MAST3: variants seen among roughly 807,000 people sequenced by gnomAD.
MAST3 encodes the protein microtubule-associated serine/threonine-protein kinase 3.
Under a neutral mutation model 127.0 loss-of-function variants are expected in MAST3, and 43 were observed. The ratio of observed to expected loss-of-function variants is 0.34; its 90% CI spans 0.27 to 0.44. MAST3 has a LOEUF of 0.44. MAST3 is among the 20% of genes least tolerant of loss of function. The pLI, the probability that MAST3 is intolerant of heterozygous loss-of-function variation, is 1.00. For missense variants in MAST3, 1,390 were observed against 1,919.1 expected (o/e 0.72, Z 5.15); for synonymous variants, 785 against 809.2 (o/e 0.97, Z 0.51).
intron 1 of MAST3, chr19:18,098,895 G>A (rs2037279768): frequency 7.0e-6 from 3 of 428,832 alleles, no homozygotes; most frequent in Admixed American, 5.2e-5. Context: ...ACCCCACGGA[G>A]TGATCAGTTG....
intron 27 of MAST3, among the ~76,000 whole-genome samples, chr19:18,148,545 T>C (rs1003840585): frequency 4.6e-5 from 7 of 151,372 alleles, no homozygotes; most frequent in African/African-American, 1.7e-4. Context: ...AGCTGGGGCT[T>C]TGATGGGTGA....
At position 18,144,520 on chromosome 19, in the gene MAST3, G is replaced by C; in HGVS notation, c.2639G>C (p.Arg880Pro). 6.2e-7 allele frequency: 1 copy of C among 1,609,252 alleles called. No individual in the cohort carries two copies. The change falls in exon 23 of 28, where the codon CGA (arginine) becomes CCA (proline). Residue 880 changes from arginine to proline, a missense_variant. Around this residue, in one of 5 missense-constraint regions of MAST3, gnomAD observed 816 missense variants for 934.1 expected, o/e 0.87. Coordinates refer to ENST00000687212, the MANE Select transcript of MAST3 (RefSeq NM_001393504.1). This position sits in a 1 kb window ranked among gnomAD's most constrained non-coding sequence, Gnocchi z 4.0. ...ARLRSNSIGA[R>P]HSTPRPLDAG... ...CTACGGAGCAATAGCATCGGCGCCC[G>C]ACACTCCACACCAAGGCCTCTGGAT...
rs1032549257 is a variant in MAST3, at chr19:18,149,427, G to A, written c.3745G>A (p.Ala1249Thr). ...SPSPLPGHPP[A>T]PARSPRLRRG... ...CTCGCCCCTGCCCGGGCACCCGCCC[G>A]CACCTGCCCGATCCCCGCGGCTGCG... Residue 1249 changes from alanine to threonine, a missense_variant, in exon 28 of 28, where the codon GCA (alanine) becomes ACA (threonine). This residue lies in a region of MAST3 where 816 missense variants were observed against 934.1 expected (regional missense o/e 0.87). Coordinates refer to ENST00000687212, the MANE Select transcript of MAST3 (RefSeq NM_001393504.1). This position sits in a 1 kb window ranked among gnomAD's most constrained non-coding sequence, Gnocchi z 5.9. 18 of 1,495,064 alleles carry A rather than the reference G, an allele frequency of 1.2e-5. No homozygotes were observed. Among genetic ancestry groups the A allele is most frequent in the African/African-American group, 1.2e-4 (8 of 69,222 alleles). 92.6% of individuals were successfully genotyped at this position (1,495,064 alleles called of 1,614,324 possible). A position where few individuals can be genotyped will look rare whatever the true frequency, so the allele number is the denominator to read the frequency against.
chr19:18,140,994 A>G (rs533308510), intron 20 of MAST3, among the ~76,000 whole-genome samples: 20 of 151,816 alleles, frequency 1.3e-4, no homozygotes, highest in African/African-American at 4.8e-4. Flanking sequence ...AGGTTTCACC[A>G]TGTTGCCCAG....
At position 18,146,970 on chromosome 19, in the gene MAST3, C is replaced by A. The variant is rs372000208; in HGVS notation, c.3252C>A (p.Arg1084=). The change falls in exon 26 of 28, where the codon CGC becomes CGA. Residue 1084 remains arginine, a synonymous_variant. Transcript: ENST00000687212. ...GPARKNVAKG[R]MARRSKRSRR... ...CCCGGAAGAATGTGGCCAAGGGCCGCATGGCACGCAGGAGCAAGAGGAGCC... is the reference window on the plus strand; with the variant it reads ...CCCGGAAGAATGTGGCCAAGGGCCGAATGGCACGCAGGAGCAAGAGGAGCC... The A allele has an allele frequency of 7.0e-6, 11 of 1,565,032 alleles. No homozygotes were observed. The highest frequency in any genetic ancestry group is 8.7e-6 in the Non-Finnish European group (10 of 1,154,988).
intron 14 of MAST3, 132 bp downstream of exon 14, chr19:18,130,834 A>G: frequency 1.1e-6 from 1 of 907,596 alleles, no homozygotes; most frequent in Non-Finnish European, 1.7e-6. Context: ...GGGAACCCTC[A>G]GGAACCCCAG....
intron 21 of MAST3, 83 bp downstream of exon 21, chr19:18,142,098 C>T (rs1488941693): frequency 1.6e-5 from 21 of 1,303,200 alleles, no homozygotes; most frequent in Non-Finnish European, 2.0e-6. Flanking sequence ...GCAAAGGGAG[C>T]TTCCTAGTGG....
intron 2 of MAST3, chr19:18,109,903 G>A: frequency 1.0e-6 from 1 of 977,272 alleles, no homozygotes; most frequent in South Asian, 4.7e-5. Flanking sequence ...GCCGGGGCGA[G>A]GGCAGAGGCC....
Position 18,149,079 on chromosome 19 carries a change from G to A in MAST3, c.3509-112G>A. On this transcript the variant is annotated intron_variant, in intron 27 of 27. Coordinates refer to ENST00000687212, the MANE Select transcript of MAST3 (RefSeq NM_001393504.1). This position sits in a 1 kb window ranked among gnomAD's most constrained non-coding sequence, Gnocchi z 5.9. ...AAAACAAAAACAACCAGGCATGATG[G>A]GTGGCCACATGGAAGGATGTGGGCT... 2 of 1,165,382 alleles carry A rather than the reference G, an allele frequency of 1.7e-6. No individual in the cohort carries two copies. Among genetic ancestry groups the A allele is most frequent in the Admixed American group, 3.9e-5 (1 of 25,528 alleles). The allele number at this position is 1,165,382 out of a possible 1,614,324, so 72.2% of individuals were successfully genotyped here.
At chr19:18,105,588 G>A (rs916293301) in intron 1 of MAST3, among the ~76,000 whole-genome samples, 9 of 150,116 alleles carry the variant, frequency 6.0e-5, no homozygotes, top group African/African-American at 2.2e-4. Flanking sequence ...CAGGAGAATC[G>A]CTTGAACCTG....
chr19:18,108,095 A>C (rs12052062), intron 2 of MAST3, among the ~76,000 whole-genome samples: 16,856 of 152,118 alleles, frequency 0.11, 1,211 homozygotes, highest in East Asian at 0.16. Context: ...GTTCAAGATC[A>C]GCCTGGCCAA....
At chr19:18,120,579 C>G (rs2039850920) in intron 3 of MAST3, among the ~76,000 whole-genome samples, 1 of 152,222 alleles carries the variant, frequency 6.6e-6, no homozygotes, top group Non-Finnish European at 1.5e-5. Flanking sequence ...TCGTGTCGCC[C>G]AGGCTGGAAT....
intron 3 of MAST3, chr19:18,118,275 G>C (rs2039536091): frequency 1.0e-6 from 1 of 984,850 alleles, no homozygotes. Context: ...CGGCGCCGGC[G>C]AAGGCTCGGC....
chr19:18,119,560 C>A (rs1433811823), intron 3 of MAST3, among the ~76,000 whole-genome samples: 1 of 152,204 alleles, frequency 6.6e-6, no homozygotes, highest in South Asian at 2.1e-4. Flanking sequence ...TTGGAATTGG[C>A]AGATGTTGGG....
rs777754422 is a variant in MAST3 at position 18,123,382 on chromosome 19, G to T, written c.557+8G>T. On this transcript the variant is annotated splice_region_variant and intron_variant, in intron 7 of 27. Transcript: ENST00000687212. The stretch of plus-strand genomic sequence containing the variant: ...CCGCTCTCGCAGTCTCAGGTGGGCC[G>T]CGACCTCTGGCCCCAGCCCCGGCCC... 83 of 1,606,208 alleles carry T rather than the reference G, an allele frequency of 5.2e-5. No individual in the cohort carries two copies. Among genetic ancestry groups the T allele is most frequent in the Non-Finnish European group, 6.6e-5 (78 of 1,177,086 alleles).
At chr19:18,109,445 C>G (rs1043187469) in intron 2 of MAST3, among the ~76,000 whole-genome samples, 1 of 152,096 alleles carries the variant, frequency 6.6e-6, no homozygotes, top group South Asian at 2.1e-4. Flanking sequence ...TGAGGACTGC[C>G]GAGGGCAAAG....
In MAST3 at chr19:18,147,479, C is replaced by G; in HGVS notation, c.3363C>G (p.Thr1121=). Reference sequence around the variant, plus strand: ...TTTTCAAGAAGATCTCCAAGCAGACCTCCGTGCTGCACACCAGCCGCAGCT... The same window carrying G: ...TTTTCAAGAAGATCTCCAAGCAGACGTCCGTGCTGCACACCAGCCGCAGCT... ...KSLFKKISKQ[T]SVLHTSRSFS... Residue 1121 remains threonine, a synonymous_variant, in exon 27 of 28, where the codon ACC becomes ACG. Coordinates refer to ENST00000687212, the MANE Select transcript of MAST3 (RefSeq NM_001393504.1). 6.2e-7 allele frequency: 1 copy of G among 1,613,378 alleles called. No individual in the cohort carries two copies. The highest frequency in any genetic ancestry group is 8.5e-7 in the Non-Finnish European group (1 of 1,179,686).
At chr19:18,129,285 G>A in intron 13 of MAST3, 1 of 285,008 alleles carries the variant, frequency 3.5e-6, no homozygotes, top group South Asian at 4.7e-5. Flanking sequence ...TGGCAGGCTT[G>A]CATACAAGGG....
At position 18,124,680 on chromosome 19, in the gene MAST3, G is replaced by A. The variant is rs368862013; in HGVS notation, c.984G>A (p.Ala328=). 1.2e-5 allele frequency: 20 copies of A among 1,609,808 alleles called. No homozygotes were observed. The highest frequency in any genetic ancestry group is 2.2e-5 in the East Asian group (1 of 44,818). ...AGGAATTTTACCACCTGCTGGAGGC[G>A]GCTGAGGGCCATGCGCGGGAGGGCC... is the stretch of plus-strand genomic sequence containing the variant. ...DPEEFYHLLE[A]AEGHAREGQG... The change falls in exon 11 of 28, where the codon GCG becomes GCA. Residue 328 remains alanine (A), a synonymous_variant. Coordinates refer to ENST00000687212, the MANE Select transcript of MAST3 (RefSeq NM_001393504.1).
Sources: allele counts gnomAD v4.1 joint callset (sites outside exome capture counted in the v4.1 genomes callset), GRCh38; gene constraint gnomAD v4.1.1; regional missense constraint gnomAD v4.1.1; non-coding constraint Gnocchi (gnomAD v3.1); transcripts MANE v1.5; gene names NCBI Gene and HGNC (gene_info 2026-07-23, HGNC 2026-07-21).